COL12A1: variants seen among roughly 807,000 people sequenced by gnomAD.
COL12A1 encodes the protein collagen type XII alpha 1 chain.
Under a neutral mutation model 349.7 loss-of-function variants are expected in COL12A1, and 114 were observed. The ratio of observed to expected loss-of-function variants is 0.33; its 90% confidence interval spans 0.28 to 0.38. COL12A1 has a LOEUF of 0.38. COL12A1 is among the 10% of genes least tolerant of loss of function. The pLI, the probability that COL12A1 is intolerant of heterozygous loss-of-function variation, is 1.00. For missense variants in COL12A1, 3,284 were observed against 3,756.9 expected (o/e 0.87, Z 3.29); for synonymous variants, 1,369 against 1,329.0 (o/e 1.03, Z -0.66).
chr6:75,194,261 G>C (rs1244383510), intron 3 of COL12A1, among the ~76,000 whole-genome samples: 1 of 152,038 alleles, frequency 6.6e-6, no homozygotes, highest in Non-Finnish European at 1.5e-5. Flanking sequence ...TCCACATTTT[G>C]GCAACATTAT....
intron 17 of COL12A1, among the ~76,000 whole-genome samples, chr6:75,154,045 T>G (rs901386313): frequency 2.0e-5 from 3 of 151,916 alleles, no homozygotes; most frequent in Non-Finnish European, 4.4e-5. Context: ...AATTTAATAT[T>G]TAAATGCATT....
At chr6:75,137,285 T>C (rs1341543042) in intron 31 of COL12A1, 152 bp downstream of exon 31, 2 of 680,762 alleles carry the variant, frequency 2.9e-6, no homozygotes, top group Non-Finnish European at 4.7e-6. Context: ...CCACGTGGAG[T>C]GCCAGCTAAA....
Position 75,101,862 on chromosome 6 carries a change from C to G in COL12A1, c.8469+137G>C, listed in dbSNP as rs1223166650. 6 of 1,063,466 alleles carry G rather than the reference C, an allele frequency of 5.6e-6. No individual in the cohort carries two copies. The Admixed American group carries it at 1.2e-4, about 22-fold the overall frequency. 65.9% of individuals were successfully genotyped at this position (1,063,466 alleles called of 1,614,324 possible). A position where few individuals can be genotyped will look rare whatever the true frequency, so the allele number is the denominator to read the frequency against. ...ATAGCACCAACTTGAAGGTTAAGAC[C>G]AGGGTATGAAATGGAAATGAGGTGA... On this transcript the variant is annotated intron_variant, in intron 57 of 65. Coordinates refer to ENST00000322507, the MANE Select transcript of COL12A1 (RefSeq NM_004370.6).
intron 55 of COL12A1, among the ~76,000 whole-genome samples, chr6:75,103,085 T>A (rs1317766191): frequency 6.6e-6 from 1 of 152,196 alleles, no homozygotes; most frequent in Admixed American, 6.5e-5. Flanking sequence ...AAAGGATATA[T>A]AAATCAAGCA....
chr6:75,203,246 T>C (rs1278924631), intron 1 of COL12A1, among the ~76,000 whole-genome samples: 4 of 152,232 alleles, frequency 2.6e-5, no homozygotes, highest in Non-Finnish European at 5.9e-5. Flanking sequence ...AACTGTACTT[T>C]AGTGGTCTCA....
chr6:75,149,479 C>A lies in COL12A1; in HGVS notation c.4148-982G>T, dbSNP rs537168739. Among the ~76,000 whole-genome samples the A allele has an allele frequency of 5.7e-3, 868 of 152,138 alleles. 10 individuals are homozygous for A. Among genetic ancestry groups the A allele is most frequent in the Non-Finnish European group, 6.4e-3 (438 of 67,978 alleles). On this transcript the variant is annotated intron_variant, in intron 21 of 65. Coordinates refer to ENST00000322507, the MANE Select transcript of COL12A1 (RefSeq NM_004370.6). ...CACATGTTTTTCAATCTGGGAACAACCTACCGCCTGTGATTGTGCTCCCTG... is the reference window on the plus strand; with the variant it reads ...CACATGTTTTTCAATCTGGGAACAAACTACCGCCTGTGATTGTGCTCCCTG...
At chr6:75,113,893 C>G (rs552603478) in intron 49 of COL12A1, 149 bp from the exon 50 acceptor site, 1 of 548,514 alleles carries the variant, frequency 1.8e-6, no homozygotes, top group Non-Finnish European at 2.8e-6. Flanking sequence ...GCTATTTATA[C>G]TAATCTGGCT....
Position 75,091,823 on chromosome 6 carries a change from C to CA in COL12A1, c.8650-299dup, listed in dbSNP as rs146907304. ...TGGACCATGCACACTTTTTACAATGCAATTCATGATACATATGGAACTAAA... is the reference window on the plus strand; with the variant it reads ...TGGACCATGCACACTTTTTACAATGCAAATTCATGATACATATGGAACTAAA... On this transcript the variant is annotated intron_variant, in intron 60 of 65. Transcript: ENST00000322507. Among the ~76,000 whole-genome samples the CA allele has an allele frequency of 0.023, 3,439 of 152,154 alleles. 128 individuals are homozygous for CA. Among genetic ancestry groups the CA allele is most frequent in the East Asian group, 0.19 (973 of 5,156 alleles).
chr6:75,101,683 A>G (rs759409966), intron 57 of COL12A1, 30 bp from the exon 58 acceptor site: 5 of 1,601,850 alleles, frequency 3.1e-6, no homozygotes, highest in Non-Finnish European at 4.3e-6. Flanking sequence ...CAAGTGAAAC[A>G]TTATAATATA....
chr6:75,129,357 T>C (rs1582096067), intron 37 of COL12A1, among the ~76,000 whole-genome samples: 1 of 152,170 alleles, frequency 6.6e-6, no homozygotes, highest in Non-Finnish European at 1.5e-5. Flanking sequence ...TCTAAGACGA[T>C]CTATGTGGTA....
rs1562308847 is a variant in COL12A1, at chr6:75,189,235, C to T, written c.805G>A (p.Val269Ile). The change falls in exon 7 of 66, where the codon GTT becomes ATT. Residue 269 changes from valine (V) to isoleucine (I), a missense_variant. Physicochemically the swap from Val to Ile is conservative, Grantham distance 29. Around this residue, in one of 2 missense-constraint regions of COL12A1, gnomAD observed 2,601 missense variants for 2,824.8 expected, o/e 0.92. Coordinates refer to ENST00000322507, the MANE Select transcript of COL12A1 (RefSeq NM_004370.6). ...AACCTACCCAAGGAGAAAACTTCAACTCCAACATTACGAAGCTCTCTTGCT... is the reference window on the plus strand; with the variant it reads ...AACCTACCCAAGGAGAAAACTTCAATTCCAACATTACGAAGCTCTCTTGCT... ...IPARELRNVG[V>I]EVFSLGIKAA... 1.9e-6 allele frequency: 3 copies of T among 1,612,722 alleles called. No individual in the cohort carries two copies. Among genetic ancestry groups the T allele is most frequent in the Non-Finnish European group, 1.7e-6 (2 of 1,179,326 alleles).
intron 13 of COL12A1, among the ~76,000 whole-genome samples, chr6:75,169,864 C>G (rs1263673847): frequency 1.3e-5 from 2 of 152,112 alleles, no homozygotes; most frequent in African/African-American, 4.8e-5. Flanking sequence ...AAAACTCTAT[C>G]AGGTTTTGAA....
rs181257320 is a variant in COL12A1, at chr6:75,151,862, C to T, written c.4000+5G>A. The T allele has an allele frequency of 3.7e-3, 5,980 of 1,613,108 alleles. 13 individuals carry two copies. Among genetic ancestry groups the T allele is most frequent in the Non-Finnish European group, 4.1e-3 (4,888 of 1,179,452 alleles). ...AGGGGCATCACTGTCCTTTTCAGTG[C>T]GTACCAATAGCAAACAGCTCCACTC... On this transcript the variant is annotated splice_donor_5th_base_variant and intron_variant, in intron 20 of 65. Coordinates refer to ENST00000322507, the MANE Select transcript of COL12A1 (RefSeq NM_004370.6).
At chr6:75,145,104 C>T (rs568514114) in intron 25 of COL12A1, among the ~76,000 whole-genome samples, 75 of 152,254 alleles carry the variant, frequency 4.9e-4, no homozygotes, top group Non-Finnish European at 8.7e-4. Context: ...ACTTCAATTT[C>T]AGGCATGTTC....
chr6:75,200,257 A>G (rs763165950), intron 2 of COL12A1, among the ~76,000 whole-genome samples: 2 of 152,160 alleles, frequency 1.3e-5, no homozygotes, highest in Non-Finnish European at 2.9e-5. Context: ...AAGCAACCAG[A>G]CATCTGTGGC....
intron 20 of COL12A1, 95 bp downstream of exon 20, chr6:75,151,772 T>C (rs1426814515): frequency 4.0e-6 from 5 of 1,243,482 alleles, no homozygotes; most frequent in Middle Eastern, 2.0e-4. Context: ...AAAATGGGTA[T>C]TTTTTTTCAT....
At chr6:75,200,437 G>C (rs572784095) in intron 2 of COL12A1, among the ~76,000 whole-genome samples, 2 of 152,114 alleles carry the variant, frequency 1.3e-5, no homozygotes, top group Non-Finnish European at 2.9e-5. Context: ...GCCAGGCATG[G>C]TGGCAAACCC....
intron 20 of COL12A1, 69 bp downstream of exon 20, chr6:75,151,798 T>C: frequency 1.4e-6 from 2 of 1,472,220 alleles, no homozygotes; most frequent in Non-Finnish European, 1.8e-6. Flanking sequence ...AGATAAAACT[T>C]CTAACTACGA....
At chr6:75,137,285 T>A in intron 31 of COL12A1, 152 bp downstream of exon 31, 1 of 680,762 alleles carries the variant, frequency 1.5e-6, no homozygotes, top group Non-Finnish European at 2.4e-6. Flanking sequence ...CCACGTGGAG[T>A]GCCAGCTAAA....
Sources: allele counts gnomAD v4.1 joint callset (sites outside exome capture counted in the v4.1 genomes callset), GRCh38; gene constraint gnomAD v4.1.1; regional missense constraint gnomAD v4.1.1; transcripts MANE v1.5; gene names NCBI Gene and HGNC (gene_info 2026-07-23, HGNC 2026-07-21).